Variants in RGL1 observed in about 807,000 individuals in gnomAD.
RGL1 encodes ral guanine nucleotide dissociation stimulator-like 1.
In RGL1, 24 loss-of-function variants were observed where a neutral mutation model predicts 95.2. The observed-to-expected ratio is 0.25, with a 90% CI of 0.18 to 0.35. RGL1 has a LOEUF of 0.35. RGL1 is among the 10% of genes least tolerant of loss of function. The pLI is 1.00. For synonymous variants in RGL1, 329 were observed against 344.9 expected (o/e 0.95, Z 0.51); for missense variants, 715 against 936.3 (o/e 0.76, Z 3.08).
chr1:183,778,140 T>C (rs1485106173), intron 2 of RGL1, among the ~76,000 whole-genome samples: 1 of 152,210 alleles, frequency 6.6e-6, no homozygotes, highest in Non-Finnish European at 1.5e-5. Context: ...TCACTGGTTG[T>C]GACTTTTAGA....
In RGL1 at chr1:183,865,871, A is replaced by G. The variant is rs545144433; in HGVS notation, c.348-125A>G. 2.7e-5 allele frequency: 18 copies of G among 669,942 alleles called. No homozygotes were observed. In the East Asian group the frequency reaches 3.0e-4, roughly 11 times the overall value. 41.5% of individuals were successfully genotyped at this position (669,942 alleles called of 1,614,324 possible). Reference sequence around the variant, plus strand: ...ACTGCATCATTTTCAATGCTATTTCATAGATATATCTTTCCTTAATTACTT... The same window carrying G: ...ACTGCATCATTTTCAATGCTATTTCGTAGATATATCTTTCCTTAATTACTT... On this transcript the variant is annotated intron_variant, in intron 3 of 17. Coordinates refer to ENST00000360851, the MANE Select transcript of RGL1 (RefSeq NM_001297671.3).
intron 8 of RGL1, among the ~76,000 whole-genome samples, chr1:183,890,415 A>G (rs1235509447): frequency 6.6e-6 from 1 of 152,018 alleles, no homozygotes; most frequent in Non-Finnish European, 1.5e-5. Flanking sequence ...CAAAGGAAAA[A>G]CCCTCTAAGC....
intron 4 of RGL1, among the ~76,000 whole-genome samples, chr1:183,870,683 A>T (rs1666131390): frequency 6.6e-6 from 1 of 152,178 alleles, no homozygotes; most frequent in African/African-American, 2.4e-5. Flanking sequence ...CCCAACAAGG[A>T]ATGATCTGAC....
At chr1:183,914,499 G>A (rs1488743874) in intron 15 of RGL1, among the ~76,000 whole-genome samples, 1 of 152,128 alleles carries the variant, frequency 6.6e-6, no homozygotes, top group Non-Finnish European at 1.5e-5. Context: ...TAGCTGGACT[G>A]AGCTGACCTC....
At chr1:183,902,456 A>G (rs543756340) in intron 11 of RGL1, 112 bp from the exon 12 acceptor site, 47 of 756,590 alleles carry the variant, frequency 6.2e-5, no homozygotes, top group Middle Eastern at 2.7e-4. Context: ...AGGATCATTG[A>G]TAATTGTGAC....
chr1:183,788,524 G>C (rs951546687), intron 2 of RGL1, among the ~76,000 whole-genome samples: 4 of 152,218 alleles, frequency 2.6e-5, no homozygotes, highest in Non-Finnish European at 4.4e-5. Context: ...CATTGGCTCA[G>C]TCAAGTTGAC....
chr1:183,776,391 G>T (rs1049216979), intron 2 of RGL1, among the ~76,000 whole-genome samples: 1 of 151,500 alleles, frequency 6.6e-6, no homozygotes, highest in Non-Finnish European at 1.5e-5. Flanking sequence ...CTCGTGATCC[G>T]CCCGCCTCGG....
At chr1:183,759,779 A>G (rs1254486893) in intron 2 of RGL1, among the ~76,000 whole-genome samples, 1 of 152,206 alleles carries the variant, frequency 6.6e-6, no homozygotes, top group Non-Finnish European at 1.5e-5. Flanking sequence ...TGATGCATTT[A>G]ATAAGTTTCT....
At chr1:183,757,103 A>G (rs1658387624) in intron 2 of RGL1, among the ~76,000 whole-genome samples, 4 of 151,668 alleles carry the variant, frequency 2.6e-5, no homozygotes, top group Admixed American at 2.6e-4. Flanking sequence ...AATGTTTTAC[A>G]AGAATACCAC....
At chr1:183,857,046 G>A (rs553618865) in intron 3 of RGL1, among the ~76,000 whole-genome samples, 2 of 152,182 alleles carry the variant, frequency 1.3e-5, no homozygotes, top group African/African-American at 2.4e-5. Context: ...TGGAATTAAG[G>A]TTACTAATCA....
intron 2 of RGL1, among the ~76,000 whole-genome samples, chr1:183,763,042 A>G (rs574163019): frequency 3.2e-4 from 49 of 152,356 alleles, no homozygotes; most frequent in African/African-American, 1.2e-3. Flanking sequence ...CACATATACC[A>G]TGGAATACTA....
At chr1:183,895,661 T>C (rs1028679433) in intron 9 of RGL1, among the ~76,000 whole-genome samples, 1 of 152,110 alleles carries the variant, frequency 6.6e-6, no homozygotes, top group African/African-American at 2.4e-5. Flanking sequence ...ATGAAAACTT[T>C]CAAGAAGGTT....
At chr1:183,924,588 C>T (rs144822058) in intron 17 of RGL1, among the ~76,000 whole-genome samples, 3,561 of 151,910 alleles carry the variant, frequency 0.023, 160 homozygotes, top group African/African-American at 0.082. Context: ...CAAACCTGCA[C>T]GTTCTGCACA....
intron 17 of RGL1, among the ~76,000 whole-genome samples, chr1:183,923,725 TG>T (rs1669449454): frequency 6.6e-6 from 1 of 152,140 alleles, no homozygotes; most frequent in African/African-American, 2.4e-5. Flanking sequence ...AGACACTAAG[TG>T]ATATATAACT....
intron 2 of RGL1, among the ~76,000 whole-genome samples, chr1:183,842,545 A>G (rs778980066): frequency 2.0e-5 from 3 of 152,198 alleles, no homozygotes; most frequent in Non-Finnish European, 4.4e-5. Flanking sequence ...TATTTACCCC[A>G]TAGGACTCAG....
At chr1:183,847,045 C>T (rs1483070984) in intron 2 of RGL1, among the ~76,000 whole-genome samples, 1 of 152,104 alleles carries the variant, frequency 6.6e-6, no homozygotes, top group African/African-American at 2.4e-5. Flanking sequence ...GAAGTAATAC[C>T]TCTACTTCTA....
rs74228148 is a variant in RGL1 at position 183,724,684 on chromosome 1, A to C, written c.-32-17442A>C. On this transcript the variant is annotated intron_variant, in intron 1 of 18. Coordinates refer to the RGL1 transcript ENST00000304685. The surrounding 1 kb of genome is among the most constrained non-coding windows in gnomAD (Gnocchi z 4.1). ...ACCAGGGAGATTCCTAAGATTTCCA[A>C]CTCTAGGCCCTGGCTCCTGGATGGT... Among the ~76,000 whole-genome samples, 455 of 151,626 alleles carry C rather than the reference A, an allele frequency of 3.0e-3. 16 individuals carry two copies. In the East Asian group the frequency reaches 0.076, roughly 25 times the overall value.
chr1:183,775,825 T>C (rs1252683161), intron 2 of RGL1, among the ~76,000 whole-genome samples: 4 of 152,232 alleles, frequency 2.6e-5, no homozygotes, highest in Non-Finnish European at 4.4e-5. Flanking sequence ...GATTTGGCTC[T>C]TTGAAAATAG....
intron 5 of RGL1, among the ~76,000 whole-genome samples, chr1:183,882,382 A>G (rs1222404623): frequency 3.3e-5 from 5 of 152,238 alleles, no homozygotes; most frequent in African/African-American, 1.2e-4. Context: ...CAAATGGGAT[A>G]TATGTATGTA....
Sources: gnomAD v4.1 joint callset for allele counts (sites outside exome capture counted in the v4.1 genomes callset) on GRCh38, gnomAD v4.1.1 for gene constraint, Gnocchi (gnomAD v3.1) non-coding constraint, MANE v1.5 for transcripts, NCBI Gene and HGNC (gene_info 2026-07-23, HGNC 2026-07-21) for gene names.